The following PRKCD variants were observed in gnomAD, a reference collection of about 807,000 sequenced individuals.
The protein encoded by PRKCD is protein kinase C delta type.
In PRKCD, 20 loss-of-function variants were observed where a neutral mutation model predicts 82.2. The observed-to-expected ratio is 0.24, with a 90% CI of 0.17 to 0.35. PRKCD has a LOEUF of 0.35. Among genes scored for constraint, PRKCD ranks in the 10% least tolerant of loss-of-function variants. The pLI is 1.00. For synonymous variants in PRKCD, 317 were observed against 337.0 expected, an observed-to-expected ratio of 0.94 and a Z score of 0.65; for missense variants, 607 against 899.0, an observed-to-expected ratio of 0.68 and a Z score of 4.15.
intron 4 of PRKCD, among the ~76,000 whole-genome samples, chr3:53,181,002 A>C (rs1019314599): frequency 1.4e-4 from 21 of 151,922 alleles, no homozygotes; most frequent in African/African-American, 4.6e-4. Context: ...TAAATGTAAT[A>C]ATACCCCTGG....
intron 1 of PRKCD, among the ~76,000 whole-genome samples, chr3:53,162,901 G>C (rs1022357670): frequency 6.6e-6 from 1 of 152,152 alleles, no homozygotes. Flanking sequence ...GTGTGTATGT[G>C]TGTGTACTCA....
At chr3:53,191,408 T>TA (rs2107291726) in intron 18 of PRKCD, among the ~76,000 whole-genome samples, 1 of 152,158 alleles carries the variant, frequency 6.6e-6, no homozygotes, top group African/African-American at 2.4e-5. Context: ...ACTCCATCTC[T>TA]AAATGAATAA....
intron 4 of PRKCD, 79 bp from the exon 5 acceptor site, chr3:53,181,128 T>TG: frequency 6.7e-7 from 1 of 1,494,836 alleles, no homozygotes; most frequent in Non-Finnish European, 9.1e-7. Context: ...GGACCAGCCA[T>TG]GGGGGTGGGT....
At chr3:53,161,792 A>G (rs1458543649) in intron 1 of PRKCD, among the ~76,000 whole-genome samples, 1 of 144,320 alleles carries the variant, frequency 6.9e-6, no homozygotes. Context: ...CCGAGACCCG[A>G]TCCTTCTGTC....
chr3:53,192,409 T>C lies in PRKCD; in HGVS notation c.*143T>C. On this transcript the variant is annotated 3_prime_UTR_variant, in exon 19 of 19. Transcript: ENST00000330452. ...GTCCTTGGCTGCCGTCTGGCCGGGC[T>C]CTCATGGTACTTCCTCTGTGAACTG... is the stretch of plus-strand genomic sequence containing the variant. 2.2e-6 allele frequency: 2 copies of C among 913,678 alleles called. No homozygotes were observed. The highest frequency in any genetic ancestry group is 3.4e-6 in the Non-Finnish European group (2 of 594,080). 56.6% of individuals were successfully genotyped at this position (913,678 alleles called of 1,614,324 possible).
chr3:53,164,178 T>G lies in PRKCD; in HGVS notation c.-131-926T>G, dbSNP rs563033578. 4.6e-5 allele frequency among the ~76,000 whole-genome samples: 7 copies of G among 152,294 alleles called. No homozygotes were observed. In the South Asian group the frequency reaches 1.4e-3, roughly 32 times the overall value. ...AGGAGACACAGAGTACCTTGCTACC[T>G]TTGCCATTTCTTCCTCCCAGGATAT... On this transcript the variant is annotated intron_variant, in intron 1 of 18. Transcript: ENST00000330452.
chr3:53,188,447 G>A (rs563515306), intron 15 of PRKCD, among the ~76,000 whole-genome samples: 2 of 152,310 alleles, frequency 1.3e-5, no homozygotes, highest in African/African-American at 2.4e-5. Flanking sequence ...GACTGCTAGG[G>A]GACCCTGGGC....
At position 53,189,044 on chromosome 3, in the gene PRKCD, C is replaced by G. The variant is rs782680918; in HGVS notation, c.1555-14C>G. On this transcript the variant is annotated splice_polypyrimidine_tract_variant and intron_variant, in intron 16 of 18. Coordinates refer to ENST00000330452, the MANE Select transcript of PRKCD (RefSeq NM_006254.4). ...CCTCAGCTCCTGCTGACCTGCTGCT[C>G]TCCCCACCGCCAGATCCTACAGGGC... is the stretch of plus-strand genomic sequence containing the variant. 9 of 1,603,490 alleles carry G rather than the reference C, an allele frequency of 5.6e-6. No individual in the cohort carries two copies. In the East Asian group the frequency reaches 1.8e-4, roughly 32 times the overall value.
intron 2 of PRKCD, among the ~76,000 whole-genome samples, chr3:53,166,472 G>A (rs536920098): frequency 2.6e-5 from 4 of 152,200 alleles, no homozygotes; most frequent in Non-Finnish European, 5.9e-5. Flanking sequence ...GGCAAGCTAG[G>A]CTGCAGTGGG....
chr3:53,162,053 T>A (rs1004197173), intron 1 of PRKCD, among the ~76,000 whole-genome samples: 3 of 151,876 alleles, frequency 2.0e-5, no homozygotes, highest in Non-Finnish European at 4.4e-5. Context: ...CGCCTCCTCC[T>A]CGCTGTCTCT....
intron 2 of PRKCD, among the ~76,000 whole-genome samples, chr3:53,168,629 G>T (rs1336525372): frequency 6.6e-6 from 1 of 152,002 alleles, no homozygotes; most frequent in African/African-American, 2.4e-5. Flanking sequence ...AGATCACGGG[G>T]TGTGGTGTCC....
At chr3:53,187,297 T>C (rs377366549) in intron 14 of PRKCD, 43 bp from the exon 15 acceptor site, 4 of 1,611,650 alleles carry the variant, frequency 2.5e-6, no homozygotes, top group Middle Eastern at 3.3e-4. Flanking sequence ...CAGAGGCTGC[T>C]CGGCAGAGAT....
intron 1 of PRKCD, among the ~76,000 whole-genome samples, chr3:53,162,841 GTGT>G (rs1202786102): frequency 8.8e-4 from 134 of 152,092 alleles, no homozygotes; most frequent in African/African-American, 3.2e-3. Context: ...GAAGCCCCTG[GTGT>G]TGGGTGCCTA....
At chr3:53,189,352 C>T (rs1363332683) in intron 17 of PRKCD, 106 bp downstream of exon 17, 1 of 1,225,134 alleles carries the variant, frequency 8.2e-7, no homozygotes, top group African/African-American at 1.5e-5. Context: ...ATGGCAGCCT[C>T]AGTGGTGCTG....
At chr3:53,163,883 C>A (rs943702997) in intron 1 of PRKCD, among the ~76,000 whole-genome samples, 1 of 152,170 alleles carries the variant, frequency 6.6e-6, no homozygotes, top group Non-Finnish European at 1.5e-5. Flanking sequence ...CTCACCAGAC[C>A]TTAGTGTCAG....
chr3:53,186,722 G>C, intron 14 of PRKCD, 27 bp downstream of exon 14: 1 of 1,589,232 alleles, frequency 6.3e-7, no homozygotes, highest in Non-Finnish European at 8.6e-7. Context: ...GTGGGGAAGG[G>C]CCCAGTGTGG....
At chr3:53,174,754 G>T (rs1251202184) in intron 2 of PRKCD, among the ~76,000 whole-genome samples, 2 of 152,176 alleles carry the variant, frequency 1.3e-5, no homozygotes, top group Non-Finnish European at 2.9e-5. Flanking sequence ...GTCTTAGGAG[G>T]TTGGGTCTGA....
chr3:53,186,700 G>GT lies in PRKCD; in HGVS notation c.1352+6dup, dbSNP rs1559630039. The GT allele has an allele frequency of 6.2e-7, 1 of 1,611,472 alleles. No homozygotes were observed. The highest frequency in any genetic ancestry group is 2.2e-5 in the East Asian group (1 of 44,878). ...CTTTGAACTCTACCGTGCCACGTAC[G>GT]TAAGGGCCATGGTGGGGAAGGGCCC... On this transcript the variant is annotated splice_donor_region_variant and intron_variant, in intron 14 of 18. Coordinates refer to ENST00000330452, the MANE Select transcript of PRKCD (RefSeq NM_006254.4).
In PRKCD at chr3:53,186,354, C is replaced by G; in HGVS notation, c.1260+14C>G. Reference sequence around the variant, plus strand: ...TTCCAGACCAAGGTGCCCGGGCCTCCTGCCGTCACCACCCCATGCCACAGC... The same window carrying G: ...TTCCAGACCAAGGTGCCCGGGCCTCGTGCCGTCACCACCCCATGCCACAGC... On this transcript the variant is annotated intron_variant, in intron 13 of 18. Coordinates refer to ENST00000330452, the MANE Select transcript of PRKCD (RefSeq NM_006254.4). The G allele has an allele frequency of 6.2e-7, 1 of 1,613,742 alleles. No individual in the cohort carries two copies. The highest frequency in any genetic ancestry group is 8.5e-7 in the Non-Finnish European group (1 of 1,179,778).
Sources: allele counts gnomAD v4.1 joint callset (sites outside exome capture counted in the v4.1 genomes callset), GRCh38; gene constraint gnomAD v4.1.1; transcripts MANE v1.5; gene names NCBI Gene and HGNC (gene_info 2026-07-23, HGNC 2026-07-21).